Variants in MAP4K3 observed in about 807,000 individuals in gnomAD.
MAP4K3 encodes the protein mitogen-activated protein kinase kinase kinase kinase 3, also known as MAPK/ERK kinase kinase kinase 3.
Under a neutral mutation model 143.5 loss-of-function variants are expected in MAP4K3, and 94 were observed. That is an observed-to-expected ratio of 0.65 (90% CI 0.55 to 0.78). The LOEUF is 0.78. Ranked by LOEUF, MAP4K3 falls within the 30% of genes least tolerant of loss-of-function variation. The pLI is 0.00. For synonymous variants in MAP4K3, 416 were observed against 347.2 expected, an observed-to-expected ratio of 1.20 and a Z score of -2.20; for missense variants, 1,077 against 1,068.1, an observed-to-expected ratio of 1.01 and a Z score of -0.12.
At chr2:39,276,822 A>G (rs955830677) in intron 24 of MAP4K3, among the ~76,000 whole-genome samples, 3 of 152,206 alleles carry the variant, frequency 2.0e-5, no homozygotes, top group Admixed American at 6.5e-5. Context: ...TGACACTCAA[A>G]AACATCCCCA....
intron 33 of MAP4K3, among the ~76,000 whole-genome samples, chr2:39,251,312 A>G (rs901591529): frequency 2.6e-5 from 4 of 152,240 alleles, no homozygotes; most frequent in African/African-American, 9.6e-5. Context: ...CAACATGAGT[A>G]AACAAGCTAT....
chr2:39,416,002 T>TATATATATATATATATATATATATAA (rs1553318623), intron 1 of MAP4K3, among the ~76,000 whole-genome samples: 6 of 91,144 alleles, frequency 6.6e-5, no homozygotes, highest in African/African-American at 2.8e-4. Context: ...TATATATATA[T>TATATATATATATATATATATATATAA]ATAAAAATAA....
At chr2:39,364,574 AC>A (rs929208689) in intron 2 of MAP4K3, among the ~76,000 whole-genome samples, 1 of 152,200 alleles carries the variant, frequency 6.6e-6, no homozygotes, top group African/African-American at 2.4e-5. Context: ...ATCAATCAAA[AC>A]GTGTAAGGTG....
Position 39,309,521 on chromosome 2 carries a change from T to TA in MAP4K3, c.998-3dup, listed in dbSNP as rs759082104. ...GTGGATCAAATTTCACTTGGCCAAC[T>TA]AAAAAAGAAAAAAAAGTAAAACCAG... On this transcript the variant is annotated splice_polypyrimidine_tract_variant and splice_region_variant and intron_variant, in intron 13 of 33. Coordinates refer to ENST00000263881, the MANE Select transcript of MAP4K3 (RefSeq NM_003618.4). 1 of 911,766 alleles carries TA rather than the reference T, an allele frequency of 1.1e-6. No individual in the cohort carries two copies. Among genetic ancestry groups the TA allele is most frequent in the Non-Finnish European group, 1.7e-6 (1 of 598,874 alleles). 56.5% of individuals were successfully genotyped at this position (911,766 alleles called of 1,614,324 possible). A position where few individuals can be genotyped will look rare whatever the true frequency, so the allele number is the denominator to read the frequency against.
At chr2:39,326,052 G>T in intron 9 of MAP4K3, 91 bp from the exon 10 acceptor site, 1 of 1,517,516 alleles carries the variant, frequency 6.6e-7, no homozygotes. Flanking sequence ...CCCCAAATAA[G>T]GTAAAACAAG....
At chr2:39,388,825 G>C (rs1211699125) in intron 1 of MAP4K3, among the ~76,000 whole-genome samples, 1 of 152,120 alleles carries the variant, frequency 6.6e-6, no homozygotes, top group Admixed American at 6.5e-5. Flanking sequence ...CAAGGCACCT[G>C]GCAGAGGGAG....
chr2:39,378,120 GT>G lies in MAP4K3; in HGVS notation c.99del (p.Arg34GlyfsTer8). 6.4e-7 allele frequency: 1 copy of G among 1,572,298 alleles called. No homozygotes were observed. Among genetic ancestry groups the G allele is most frequent in the Non-Finnish European group, 8.6e-7 (1 of 1,157,188 alleles). On this transcript the variant is annotated frameshift_variant and splice_region_variant, in exon 2 of 34. Coordinates refer to ENST00000263881, the MANE Select transcript of MAP4K3 (RefSeq NM_003618.4). LOFTEE classifies it high-confidence loss of function. ...GSGTYGDVYK[A>X]RNVNTGELAA... ...GCTAATTCACCAGTGTTAACATTCC[GT>G]GCCTAAAAGAAAGAGGAAAAAAGGA...
chr2:39,380,485 T>G (rs1343395486), intron 1 of MAP4K3, among the ~76,000 whole-genome samples: 1 of 152,176 alleles, frequency 6.6e-6, no homozygotes, highest in African/African-American at 2.4e-5. Context: ...TTGAGCAGTT[T>G]ATTTTTTAAA....
intron 3 of MAP4K3, among the ~76,000 whole-genome samples, chr2:39,349,016 T>TATTA (rs1665375148): frequency 6.6e-6 from 1 of 152,190 alleles, no homozygotes; most frequent in Non-Finnish European, 1.5e-5. Context: ...AACTCTCTAA[T>TATTA]ATCTGCCTGA....
intron 15 of MAP4K3, among the ~76,000 whole-genome samples, chr2:39,302,734 C>T (rs768740628): frequency 1.3e-5 from 2 of 152,244 alleles, no homozygotes; most frequent in East Asian, 1.9e-4. Flanking sequence ...AATCAGGCAT[C>T]AACTTGTTAA....
chr2:39,313,835 C>T (rs1411228001), intron 13 of MAP4K3, among the ~76,000 whole-genome samples: 6 of 151,980 alleles, frequency 3.9e-5, no homozygotes, highest in African/African-American at 1.4e-4. Flanking sequence ...TTTGAAATAG[C>T]ATACACATGC....
chr2:39,315,959 T>A (rs1683101850), intron 12 of MAP4K3, among the ~76,000 whole-genome samples: 2 of 152,148 alleles, frequency 1.3e-5, no homozygotes, highest in Non-Finnish European at 2.9e-5. Context: ...TTTGGCACTA[T>A]CTGAATTGTA....
chr2:39,295,037 G>GA lies in MAP4K3; in HGVS notation c.1179-1770dup, dbSNP rs770504063. ...TATTAAGGCAATGTTAACAAGACTTGAAAAAAAAAAAAGTAAAACAATGCT... is the reference window on the plus strand; with the variant it reads ...TATTAAGGCAATGTTAACAAGACTTGAAAAAAAAAAAAAGTAAAACAATGCT... On this transcript the variant is annotated intron_variant, in intron 16 of 33. Coordinates refer to ENST00000263881, the MANE Select transcript of MAP4K3 (RefSeq NM_003618.4). Among the ~76,000 whole-genome samples, 1,334 of 136,166 alleles carry GA rather than the reference G, an allele frequency of 9.8e-3. 17 individuals are homozygous for GA. Among genetic ancestry groups the GA allele is most frequent in the African/African-American group, 0.032 (1,206 of 37,416 alleles). The allele number at this position is 136,166 out of a possible 152,430, so 89.3% of individuals were successfully genotyped here.
At chr2:39,286,777 A>G in intron 21 of MAP4K3, 75 bp downstream of exon 21, 1 of 756,592 alleles carries the variant, frequency 1.3e-6, no homozygotes, top group Non-Finnish European at 2.1e-6. Context: ...AGTGTCACTA[A>G]TTGTAAGCAT....
At chr2:39,408,129 A>G (rs1298431759) in intron 1 of MAP4K3, among the ~76,000 whole-genome samples, 2 of 152,164 alleles carry the variant, frequency 1.3e-5, no homozygotes, top group African/African-American at 4.8e-5. Flanking sequence ...AACAAAAACA[A>G]AAAGCAAAAA....
chr2:39,390,916 G>T (rs1666633721), intron 1 of MAP4K3, among the ~76,000 whole-genome samples: 1 of 152,058 alleles, frequency 6.6e-6, no homozygotes, highest in East Asian at 1.9e-4. Flanking sequence ...CCCATATTCT[G>T]ACCGACATAC....
intron 15 of MAP4K3, among the ~76,000 whole-genome samples, chr2:39,306,582 T>A (rs965204034): frequency 3.9e-5 from 6 of 152,238 alleles, no homozygotes; most frequent in African/African-American, 1.4e-4. Context: ...CACATGCAAT[T>A]TCATGGCTTC....
chr2:39,281,460 G>A (rs139806157), intron 22 of MAP4K3, among the ~76,000 whole-genome samples: 53 of 152,210 alleles, frequency 3.5e-4, no homozygotes, highest in African/African-American at 1.2e-3. Flanking sequence ...TAGGATGTAG[G>A]GCAGAAACTA....
intron 16 of MAP4K3, among the ~76,000 whole-genome samples, chr2:39,297,078 G>C (rs1320111463): frequency 6.6e-6 from 1 of 151,306 alleles, no homozygotes; most frequent in Non-Finnish European, 1.5e-5. Flanking sequence ...CAACATTTTT[G>C]CCCTAAATTA....
Sources: gnomAD v4.1 joint callset for allele counts (sites outside exome capture counted in the v4.1 genomes callset) on GRCh38, gnomAD v4.1.1 for gene constraint, MANE v1.5 for transcripts, NCBI Gene and HGNC (gene_info 2026-07-23, HGNC 2026-07-21) for gene names.